Variants in CHD6 observed in about 807,000 individuals in gnomAD.
CHD6 encodes chromodomain helicase DNA binding protein 6, also known as ATP-dependent chromatin remodeler CHD6.
Under a neutral mutation model 276.9 loss-of-function variants are expected in CHD6, and 50 were observed. The observed-to-expected ratio is 0.18, with a 90% CI of 0.14 to 0.23. CHD6 has a LOEUF of 0.23. Ranked by LOEUF, CHD6 falls within the 10% of genes least tolerant of loss-of-function variation. The pLI is 1.00. For missense variants in CHD6, 2,564 were observed against 3,365.8 expected, an observed-to-expected ratio of 0.76 and a Z score of 5.89; for synonymous variants, 1,173 against 1,229.3, an observed-to-expected ratio of 0.95 and a Z score of 0.96.
intron 1 of CHD6, among the ~76,000 whole-genome samples, chr20:41,614,965 G>C (rs996140275): frequency 9.6e-4 from 146 of 152,156 alleles, no homozygotes; most frequent in African/African-American, 3.4e-3. Context: ...ACAAATTCCT[G>C]AAACGGAAAA....
intron 16 of CHD6, among the ~76,000 whole-genome samples, chr20:41,475,604 G>C (rs1049556241): frequency 1.3e-5 from 2 of 152,130 alleles, no homozygotes; most frequent in Non-Finnish European, 2.9e-5. Flanking sequence ...ATGCAATAGA[G>C]GAAGCACAAT....
chr20:41,468,807 G>A (rs2042988071), intron 17 of CHD6, among the ~76,000 whole-genome samples: 1 of 152,048 alleles, frequency 6.6e-6, no homozygotes, highest in South Asian at 2.1e-4. Context: ...TTGAGCTCAG[G>A]AGTTCAAGAC....
intron 2 of CHD6, among the ~76,000 whole-genome samples, chr20:41,537,240 C>CA (rs1312028186): frequency 8.7e-4 from 132 of 152,178 alleles, no homozygotes; most frequent in African/African-American, 3.0e-3. Context: ...CCTCTAAATC[C>CA]ATGGGTTCTG....
At chr20:41,553,672 G>A (rs771938390) in intron 1 of CHD6, among the ~76,000 whole-genome samples, 18 of 152,248 alleles carry the variant, frequency 1.2e-4, no homozygotes, top group Non-Finnish European at 2.4e-4. Flanking sequence ...TTGTTCAGGT[G>A]TGCTCTCACC....
At chr20:41,532,682 T>C (rs900507484) in intron 3 of CHD6, among the ~76,000 whole-genome samples, 1 of 152,164 alleles carries the variant, frequency 6.6e-6, no homozygotes, top group Admixed American at 6.5e-5. Flanking sequence ...ACAAAGAACA[T>C]ATAAACATGG....
At position 41,613,365 on chromosome 20, in the gene CHD6, C is replaced by T. The variant is rs539646946; in HGVS notation, c.-24+4975G>A. On this transcript the variant is annotated intron_variant, in intron 1 of 36. Coordinates refer to ENST00000373233, the MANE Select transcript of CHD6 (RefSeq NM_032221.5). ...AAAATGTCAGGCACATTTGCCATGG[C>T]CTCCCCTCTAGTCCCATCTGCAGAG... 9.2e-5 allele frequency among the ~76,000 whole-genome samples: 14 copies of T among 152,328 alleles called. 3 individuals carry two copies. Among genetic ancestry groups the T allele is most frequent in the African/African-American group, 3.4e-4 (14 of 41,574 alleles).
chr20:41,460,702 CAA>C (rs1205173948), intron 17 of CHD6, among the ~76,000 whole-genome samples: 4 of 152,326 alleles, frequency 2.6e-5, no homozygotes, highest in African/African-American at 7.2e-5. Context: ...GATGTCCAAG[CAA>C]AAGTTTGCTG....
intron 20 of CHD6, among the ~76,000 whole-genome samples, chr20:41,454,048 T>C (rs2048318523): frequency 6.6e-6 from 1 of 152,182 alleles, no homozygotes; most frequent in Admixed American, 6.5e-5. Context: ...GGCTGGGCAC[T>C]GGTGCCAGTT....
intron 8 of CHD6, chr20:41,496,661 T>C (rs2043693984): frequency 6.6e-6 from 1 of 152,244 alleles, no homozygotes; most frequent in Non-Finnish European, 1.5e-5. Context: ...TAATTTCATG[T>C]GTTCCAATCT....
intron 24 of CHD6, among the ~76,000 whole-genome samples, chr20:41,447,436 AAACT>A (rs1167461512): frequency 1.3e-5 from 2 of 152,228 alleles, no homozygotes; most frequent in Non-Finnish European, 2.9e-5. Flanking sequence ...CTAATTTGCA[AAACT>A]AACATGCAAC....
chr20:41,530,555 CAT>C (rs1568679675), intron 3 of CHD6, among the ~76,000 whole-genome samples: 1 of 152,232 alleles, frequency 6.6e-6, no homozygotes, highest in Admixed American at 6.5e-5. Context: ...TGCATATATA[CAT>C]ATGTGTGTGT....
intron 35 of CHD6, among the ~76,000 whole-genome samples, chr20:41,412,678 A>G (rs781487421): frequency 6.2e-4 from 95 of 152,144 alleles, no homozygotes; most frequent in Non-Finnish European, 2.9e-4. Context: ...CTCTACCTAC[A>G]TATCTTATTA....
Position 41,472,502 on chromosome 20 carries a change from T to C in CHD6, c.2664+820A>G, listed in dbSNP as rs190162939. Among the ~76,000 whole-genome samples, 211 of 152,316 alleles carry C rather than the reference T, an allele frequency of 1.4e-3. 1 individual carries two copies. In the Middle Eastern group the frequency reaches 0.02, roughly 15 times the overall value. On this transcript the variant is annotated intron_variant, in intron 17 of 36. Coordinates refer to ENST00000373233, the MANE Select transcript of CHD6 (RefSeq NM_032221.5). The stretch of plus-strand genomic sequence containing the variant: ...TACCCATAATCCTAGTGTTAGTAAA[T>C]ATCTCAAGATATATGCGATATACAC...
chr20:41,477,990 T>C (rs998043967), intron 16 of CHD6, among the ~76,000 whole-genome samples: 5 of 152,152 alleles, frequency 3.3e-5, no homozygotes, highest in African/African-American at 1.2e-4. Flanking sequence ...GAGACAGAGA[T>C]AGTGGGAGCC....
At chr20:41,616,744 C>G (rs1601201183) in intron 1 of CHD6, among the ~76,000 whole-genome samples, 1 of 152,172 alleles carries the variant, frequency 6.6e-6, no homozygotes, top group East Asian at 1.9e-4. Context: ...CTTGAGGATT[C>G]ATGCCTAATC....
intron 2 of CHD6, among the ~76,000 whole-genome samples, chr20:41,548,167 G>A (rs1302403306): frequency 1.3e-5 from 2 of 152,186 alleles, no homozygotes; most frequent in East Asian, 1.9e-4. Context: ...TTGCAATTCA[G>A]TTATCAGTAT....
At chr20:41,445,132 CCT>C (rs958697960) in intron 25 of CHD6, among the ~76,000 whole-genome samples, 2 of 152,214 alleles carry the variant, frequency 1.3e-5, no homozygotes, top group African/African-American at 4.8e-5. Flanking sequence ...GTTTAAAAAA[CCT>C]CTCAGTCCCC....
At chr20:41,526,358 G>T (rs910936263) in intron 3 of CHD6, among the ~76,000 whole-genome samples, 1 of 152,120 alleles carries the variant, frequency 6.6e-6, no homozygotes, top group African/African-American at 2.4e-5. Flanking sequence ...CCAACAGAAA[G>T]AACCCCACTA....
intron 3 of CHD6, among the ~76,000 whole-genome samples, chr20:41,531,959 C>T (rs764731184): frequency 5.6e-4 from 85 of 152,236 alleles, no homozygotes; most frequent in Middle Eastern, 3.4e-3. Flanking sequence ...ATAATAGATA[C>T]ATAGATAAAT....
Sources: gnomAD v4.1 joint callset for allele counts (sites outside exome capture counted in the v4.1 genomes callset) on GRCh38, gnomAD v4.1.1 for gene constraint, MANE v1.5 for transcripts, NCBI Gene and HGNC (gene_info 2026-07-23, HGNC 2026-07-21) for gene names.